Variants in ANTXR2 observed in about 807,000 individuals in gnomAD.
The protein encoded by ANTXR2 is ANTXR cell adhesion molecule 2, also known as anthrax toxin receptor 2.
ANTXR2 carries 44 observed loss-of-function variants against 73.7 expected under a neutral mutation model. The ratio of observed to expected loss-of-function variants is 0.60; its 90% CI spans 0.47 to 0.77. The LOEUF (loss-of-function observed/expected upper bound fraction) is 0.77, where lower values mean the gene tolerates loss of function less well. ANTXR2 is among the 30% of genes least tolerant of loss of function. The probability of loss-of-function intolerance (pLI) is 0.00; values close to 1 mark genes in which losing one functional copy is unlikely to be tolerated. For synonymous variants in ANTXR2, 217 were observed against 205.9 expected (o/e 1.05, Z -0.46); for missense variants, 604 against 592.5 (o/e 1.02, Z -0.20).
chr4:79,993,577 T>G (rs553604532), intron 12 of ANTXR2, among the ~76,000 whole-genome samples: 9 of 152,100 alleles, frequency 5.9e-5, no homozygotes, highest in African/African-American at 2.2e-4. Flanking sequence ...GTAGTCTAAT[T>G]ATGTTTGAAT....
intron 11 of ANTXR2, among the ~76,000 whole-genome samples, chr4:80,011,911 T>C (rs1375582792): frequency 6.6e-6 from 1 of 152,240 alleles, no homozygotes; most frequent in East Asian, 1.9e-4. Flanking sequence ...TAATTTCCTT[T>C]TCTTCACTAA....
intron 16 of ANTXR2, among the ~76,000 whole-genome samples, chr4:79,936,984 TATTC>T (rs1290856273): frequency 1.3e-5 from 2 of 152,214 alleles, no homozygotes; most frequent in Non-Finnish European, 2.9e-5. Flanking sequence ...ATTGATTATG[TATTC>T]ATTCAATCAT....
At position 80,054,277 on chromosome 4, in the gene ANTXR2, TAA is replaced by T; in HGVS notation, c.629_630del (p.Ile210LysfsTer10). On this transcript the variant is annotated frameshift_variant, in exon 7 of 17. Transcript: ENST00000403729. LOFTEE classifies it high-confidence loss of function. Reference sequence around the variant, plus strand: ...GCCCCCAGAGAAATACTCACAGAATTAATTATTCCTTTAAGAGCCTGAAATCC... The same window carrying T: ...GCCCCCAGAGAAATACTCACAGAATTTTATTCCTTTAAGAGCCTGAAATCC... ...KGGFQALKGIINSILAQSCTE... is the reference protein window; with the variant it reads ...KGGFQALKGIXNSILAQSCTE... The T allele has an allele frequency of 1.3e-6, 2 of 1,594,814 alleles. No individual in the cohort carries two copies. The highest frequency in any genetic ancestry group is 1.7e-6 in the Non-Finnish European group (2 of 1,170,386).
chr4:79,918,514 T>G (rs1398655368), intron 16 of ANTXR2, among the ~76,000 whole-genome samples: 1 of 152,124 alleles, frequency 6.6e-6, no homozygotes, highest in Non-Finnish European at 1.5e-5. Context: ...CAGTTGACTT[T>G]TTATTAAAAA....
At chr4:79,984,650 C>G (rs564961920) in intron 13 of ANTXR2, among the ~76,000 whole-genome samples, 169 bp downstream of exon 13, 4 of 151,658 alleles carry the variant, frequency 2.6e-5, no homozygotes, top group Admixed American at 6.6e-5. Context: ...TCCTCTAGCA[C>G]ATGAAATAAA....
At chr4:79,981,850 G>A (rs1729903131) in intron 14 of ANTXR2, among the ~76,000 whole-genome samples, 3 of 152,120 alleles carry the variant, frequency 2.0e-5, no homozygotes, top group African/African-American at 7.2e-5. Context: ...ATTACAAGTT[G>A]GCTGCGGTTT....
At chr4:79,961,982 T>C (rs1729162524) in intron 16 of ANTXR2, among the ~76,000 whole-genome samples, 1 of 152,152 alleles carries the variant, frequency 6.6e-6, no homozygotes, top group Admixed American at 6.5e-5. Context: ...GACAACTAAG[T>C]ACCCAAGTTC....
At chr4:79,952,359 C>G (rs114943491) in intron 16 of ANTXR2, among the ~76,000 whole-genome samples, 25 of 151,386 alleles carry the variant, frequency 1.7e-4, no homozygotes, top group African/African-American at 5.8e-4. Flanking sequence ...TACATCTAGA[C>G]TGTAATAAAT....
At chr4:80,032,333 T>A (rs886172856) in intron 9 of ANTXR2, among the ~76,000 whole-genome samples, 13 of 151,888 alleles carry the variant, frequency 8.6e-5, no homozygotes, top group Admixed American at 2.6e-4. Flanking sequence ...GTTTATTTTA[T>A]AATGAACTCA....
upstream of ANTXR2, chr4:80,073,245 G>T (rs1734910988): frequency 6.6e-6 from 1 of 152,440 alleles, no homozygotes; most frequent in South Asian, 2.1e-4. Flanking sequence ...TGTGCGCCTG[G>T]GGACGAGGGC....
In ANTXR2 at chr4:80,025,561, C is replaced by T. The variant is rs547703415; in HGVS notation, c.866+6062G>A. 5.9e-5 allele frequency among the ~76,000 whole-genome samples: 9 copies of T among 152,200 alleles called. No individual in the cohort carries two copies. In the South Asian group the frequency reaches 1.9e-3, roughly 32 times the overall value. ...ATACTGAAAATTAAACTGGCAGCTACTCAAAAAGTTATTACAATTATGGTG... is the reference window on the plus strand; with the variant it reads ...ATACTGAAAATTAAACTGGCAGCTATTCAAAAAGTTATTACAATTATGGTG... On this transcript the variant is annotated intron_variant, in intron 10 of 16. Coordinates refer to ENST00000403729, the MANE Select transcript of ANTXR2 (RefSeq NM_058172.6).
intron 12 of ANTXR2, among the ~76,000 whole-genome samples, chr4:79,996,739 T>A (rs539447583): frequency 1.7e-4 from 26 of 152,110 alleles, no homozygotes; most frequent in South Asian, 1.4e-3. Flanking sequence ...ACTACAGTCA[T>A]GAGAATTCCA....
rs927971177 is a variant in ANTXR2, at chr4:80,018,395, C to T, written c.945+503G>A. Reference sequence around the variant, plus strand: ...AATCAGTAATCTCAAAATATATATTCGATGTGGTTACAAATTAAGATAGTA... The same window carrying T: ...AATCAGTAATCTCAAAATATATATTTGATGTGGTTACAAATTAAGATAGTA... On this transcript the variant is annotated intron_variant, in intron 11 of 16. Coordinates refer to ENST00000403729, the MANE Select transcript of ANTXR2 (RefSeq NM_058172.6). Among the ~76,000 whole-genome samples, 18 of 152,030 alleles carry T rather than the reference C, an allele frequency of 1.2e-4. 1 individual carries two copies. The highest frequency in any genetic ancestry group is 7.2e-4 in the Admixed American group (11 of 15,276).
rs1727355338 is a variant in ANTXR2 at position 79,916,366 on chromosome 4, G to C, written c.1429-8899C>G. On this transcript the variant is annotated intron_variant, in intron 16 of 16. Transcript: ENST00000403729. ...GCTTCCTAATAAGTCAAAATGGGAGGTAGATGCCCCAAAGGTATTAATAAA... is the reference window on the plus strand; with the variant it reads ...GCTTCCTAATAAGTCAAAATGGGAGCTAGATGCCCCAAAGGTATTAATAAA... Among the ~76,000 whole-genome samples the C allele has an allele frequency of 2.0e-5, 3 of 152,176 alleles. No homozygotes were observed. In the South Asian group the frequency reaches 6.2e-4, roughly 32 times the overall value.
intron 16 of ANTXR2, among the ~76,000 whole-genome samples, chr4:79,965,856 T>C (rs1729340925): frequency 2.0e-5 from 3 of 152,184 alleles, no homozygotes; most frequent in Admixed American, 2.0e-4. Context: ...AGATAATTTG[T>C]TGAGAACATA....
intron 7 of ANTXR2, among the ~76,000 whole-genome samples, chr4:80,053,970 T>G (rs2110106671): frequency 6.6e-6 from 1 of 151,794 alleles, no homozygotes; most frequent in South Asian, 2.1e-4. Context: ...TATAAAACTT[T>G]CAGGATATCA....
intron 7 of ANTXR2, among the ~76,000 whole-genome samples, chr4:80,046,121 C>T (rs1233259489): frequency 6.6e-6 from 1 of 151,740 alleles, no homozygotes; most frequent in Non-Finnish European, 1.5e-5. Context: ...GTAAATCATA[C>T]TCATTGTCTT....
intron 16 of ANTXR2, among the ~76,000 whole-genome samples, chr4:79,958,023 A>G (rs1277275464): frequency 6.6e-6 from 1 of 152,038 alleles, no homozygotes; most frequent in African/African-American, 2.4e-5. Context: ...TTGCCTGCAA[A>G]TTATTAATTA....
intron 16 of ANTXR2, among the ~76,000 whole-genome samples, chr4:79,958,100 G>T (rs1016849616): frequency 2.0e-5 from 3 of 151,512 alleles, no homozygotes; most frequent in Admixed American, 2.0e-4. Context: ...TCTAGCTCTT[G>T]ATTCTCTCTC....
Sources: allele counts gnomAD v4.1 joint callset (sites outside exome capture counted in the v4.1 genomes callset), GRCh38; gene constraint gnomAD v4.1.1; transcripts MANE v1.5; gene names NCBI Gene and HGNC (gene_info 2026-07-23, HGNC 2026-07-21).